Variants in CCDC3 observed in about 807,000 individuals in gnomAD.
CCDC3 encodes the protein coiled-coil domain-containing protein 3.
Under a neutral mutation model 21.4 loss-of-function variants are expected in CCDC3, and 24 were observed. That is an observed-to-expected ratio of 1.12 (90% CI 0.81 to 1.58). The LOEUF is 1.58. CCDC3 is among the 40% of genes most tolerant of loss of function. The pLI, the probability that CCDC3 is intolerant of heterozygous loss-of-function variation, is 0.00. For synonymous variants in CCDC3, 186 were observed against 166.0 expected (o/e 1.12, Z -0.93); for missense variants, 425 against 360.9 (o/e 1.18, Z -1.44).
chr10:12,900,478 A>G (rs1270058944), intron 2 of CCDC3, among the ~76,000 whole-genome samples: 1 of 144,394 alleles, frequency 6.9e-6, no homozygotes, highest in African/African-American at 2.6e-5. Flanking sequence ...GGAGATCGAG[A>G]CCATCCTGGC....
intron 2 of CCDC3, among the ~76,000 whole-genome samples, chr10:12,938,794 T>C (rs1375781783): frequency 6.6e-6 from 1 of 152,228 alleles, no homozygotes; most frequent in Non-Finnish European, 1.5e-5. Flanking sequence ...TATTTACTCC[T>C]GTCTTGTGCC....
intron 2 of CCDC3, among the ~76,000 whole-genome samples, chr10:12,944,968 A>C (rs1834892397): frequency 6.6e-6 from 1 of 152,232 alleles, no homozygotes; most frequent in African/African-American, 2.4e-5. Context: ...AAATGTGTAC[A>C]AACAACAATT....
intron 2 of CCDC3, among the ~76,000 whole-genome samples, chr10:12,937,647 A>G (rs1241607669): frequency 6.6e-6 from 1 of 152,172 alleles, no homozygotes; most frequent in Non-Finnish European, 1.5e-5. Context: ...CAGATTATGA[A>G]AGAGCTCTAT....
At chr10:12,970,138 G>A (rs953182198) in intron 2 of CCDC3, among the ~76,000 whole-genome samples, 2 of 152,210 alleles carry the variant, frequency 1.3e-5, no homozygotes, top group South Asian at 2.1e-4. Flanking sequence ...TTACAGGAAG[G>A]GGTGAGTCAC....
chr10:13,074,454 G>A (rs942995709), intron 3 of CCDC3, among the ~76,000 whole-genome samples: 1 of 147,842 alleles, frequency 6.8e-6, no homozygotes, highest in African/African-American at 2.5e-5. Context: ...CCAAAGTGCT[G>A]GGATTACAGG....
intron 2 of CCDC3, among the ~76,000 whole-genome samples, chr10:12,992,015 A>C (rs1835689447): frequency 6.6e-6 from 1 of 151,976 alleles, no homozygotes; most frequent in South Asian, 2.1e-4. Flanking sequence ...TGAAGTGTAC[A>C]CAGTGTGTTG....
chr10:12,997,855 A>G (rs1835786109), intron 2 of CCDC3, among the ~76,000 whole-genome samples: 1 of 152,200 alleles, frequency 6.6e-6, no homozygotes. Context: ...TTTGGGCCCC[A>G]TTGGAAGAAG....
intron 1 of CCDC3, 93 bp from the exon 2 acceptor site, chr10:12,998,605 C>A: frequency 8.9e-7 from 1 of 1,126,776 alleles, no homozygotes; most frequent in Non-Finnish European, 1.3e-6. Flanking sequence ...ACGGGCTTGC[C>A]AATTTCACAT....
intron 4 of CCDC3, chr10:13,058,457 A>G (rs764975593): frequency 1.2e-4 from 92 of 757,288 alleles, no homozygotes; most frequent in South Asian, 3.2e-4. Context: ...TGCGCAGACT[A>G]TCATATCCCC....
chr10:12,990,686 A>C (rs1589032863), intron 2 of CCDC3, among the ~76,000 whole-genome samples: 1 of 152,220 alleles, frequency 6.6e-6, no homozygotes, highest in African/African-American at 2.4e-5. Flanking sequence ...CCATCAGATC[A>C]ATAGTGGTAT....
At chr10:12,906,115 C>T (rs546100293) in intron 2 of CCDC3, among the ~76,000 whole-genome samples, 16 of 152,152 alleles carry the variant, frequency 1.1e-4, no homozygotes, top group South Asian at 2.1e-4. Context: ...GCCACGTCCA[C>T]GCAGAACGGT....
At chr10:12,902,985 A>C (rs1834116219) in intron 2 of CCDC3, among the ~76,000 whole-genome samples, 1 of 152,306 alleles carries the variant, frequency 6.6e-6, no homozygotes, top group East Asian at 1.9e-4. Context: ...AAAAGCGTGG[A>C]TGGGATGAGA....
intron 5 of CCDC3, among the ~76,000 whole-genome samples, chr10:13,013,614 T>A (rs568832466): frequency 2.0e-5 from 3 of 152,104 alleles, no homozygotes; most frequent in South Asian, 4.2e-4. Context: ...GTAATCCAAG[T>A]AAATGTCATG....
At chr10:12,992,021 T>C (rs1191149491) in intron 2 of CCDC3, among the ~76,000 whole-genome samples, 1 of 151,530 alleles carries the variant, frequency 6.6e-6, no homozygotes, top group East Asian at 1.9e-4. Flanking sequence ...GTACACAGTG[T>C]GTTGCCATTT....
At chr10:13,017,596 C>T (rs1392741227) in intron 5 of CCDC3, among the ~76,000 whole-genome samples, 1 of 151,694 alleles carries the variant, frequency 6.6e-6, no homozygotes, top group Non-Finnish European at 1.5e-5. Flanking sequence ...AACCAATTTC[C>T]CAACATCTTC....
Position 13,054,653 on chromosome 10 carries a change from C to A in CCDC3, c.-269-4712G>T, listed in dbSNP as rs188155324. Among the ~76,000 whole-genome samples, 13 of 152,110 alleles carry A rather than the reference C, an allele frequency of 8.5e-5. No homozygotes were observed. In the East Asian group the frequency reaches 2.1e-3, roughly 25 times the overall value. Reference sequence around the variant, plus strand: ...CCCGAGTCAGGTAACATGGCTCTCTCCTCTCCCCTCCTCTCTGCTCCTCTC... The same window carrying A: ...CCCGAGTCAGGTAACATGGCTCTCTACTCTCCCCTCCTCTCTGCTCCTCTC... On this transcript the variant is annotated intron_variant, in intron 4 of 6. Transcript: ENST00000378839.
At chr10:12,973,249 G>C (rs1835369195) in intron 2 of CCDC3, among the ~76,000 whole-genome samples, 1 of 152,116 alleles carries the variant, frequency 6.6e-6, no homozygotes, top group Non-Finnish European at 1.5e-5. Flanking sequence ...AAGGATGCAA[G>C]AACACAATAT....
At chr10:12,956,296 C>T (rs1835084599) in intron 2 of CCDC3, among the ~76,000 whole-genome samples, 1 of 152,210 alleles carries the variant, frequency 6.6e-6, no homozygotes. Context: ...GGAGCTAGGC[C>T]AATTACACTC....
chr10:12,996,166 T>C (rs1835758967), intron 2 of CCDC3, among the ~76,000 whole-genome samples: 1 of 151,936 alleles, frequency 6.6e-6, no homozygotes, highest in African/African-American at 2.4e-5. Context: ...CAATATGGAG[T>C]AGGCAACAGT....
Sources: gnomAD v4.1 joint callset for allele counts (sites outside exome capture counted in the v4.1 genomes callset) on GRCh38, gnomAD v4.1.1 for gene constraint, MANE v1.5 for transcripts, NCBI Gene and HGNC (gene_info 2026-07-23, HGNC 2026-07-21) for gene names.